Variants in LRRC8A observed in about 807,000 individuals in gnomAD.
LRRC8A encodes the protein volume-regulated anion channel subunit LRRC8A.
Under a neutral mutation model 52.5 loss-of-function variants are expected in LRRC8A, and 24 were observed. That is an observed-to-expected ratio of 0.46 (90% confidence interval 0.33 to 0.64). The LOEUF (loss-of-function observed/expected upper bound fraction) is 0.64, where lower values mean the gene tolerates loss of function less well. LRRC8A is among the 30% of genes least tolerant of loss of function. The pLI is 0.02. For missense variants in LRRC8A, 677 were observed against 1,094.7 expected (o/e 0.62, Z 5.38); for synonymous variants, 492 against 494.2 (o/e 1.00, Z 0.06).
chr9:128,891,863 G>A (rs966715428), intron 2 of LRRC8A, among the ~76,000 whole-genome samples: 1 of 152,150 alleles, frequency 6.6e-6, no homozygotes, highest in Non-Finnish European at 1.5e-5. Context: ...AGTCGGGCTT[G>A]GGGTGCATCT....
At chr9:128,910,012 C>T (rs1840438962) in intron 3 of LRRC8A, among the ~76,000 whole-genome samples, 1 of 152,212 alleles carries the variant, frequency 6.6e-6, no homozygotes, top group African/African-American at 2.4e-5. Context: ...ACTTTCAAGA[C>T]TGTTGGTGGT....
intron 3 of LRRC8A, among the ~76,000 whole-genome samples, chr9:128,913,463 GCGACAATC>G (rs1040677427): frequency 1.3e-5 from 2 of 152,192 alleles, no homozygotes; most frequent in Non-Finnish European, 2.9e-5. Context: ...GCACGGGCCG[GCGACAATC>G]CGACAATCCA....
At chr9:128,889,211 A>C (rs986835088) in intron 2 of LRRC8A, among the ~76,000 whole-genome samples, 16 of 151,924 alleles carry the variant, frequency 1.1e-4, no homozygotes, top group African/African-American at 3.9e-4. Context: ...GGGGCCTTCA[A>C]AGTCACCTGG....
In LRRC8A at chr9:128,902,535, C is replaced by T. The variant is rs1840067162; in HGVS notation, c.-8-4622C>T. ...GAGGGAGGTGTTGCAGTATCATTGT[C>T]ACCACATCCTGCCCGCTCAAACAGC... is the stretch of plus-strand genomic sequence containing the variant. On this transcript the variant is annotated intron_variant, in intron 2 of 3. Transcript: ENST00000372600. This position sits in a 1 kb window ranked among gnomAD's most constrained non-coding sequence, Gnocchi z 4.1. 6.6e-6 allele frequency among the ~76,000 whole-genome samples: 1 copy of T among 152,198 alleles called. No individual in the cohort carries two copies. The highest frequency in any genetic ancestry group is 2.4e-5 in the African/African-American group (1 of 41,442).
intron 2 of LRRC8A, among the ~76,000 whole-genome samples, chr9:128,898,202 C>G (rs1374585192): frequency 6.6e-6 from 1 of 152,046 alleles, no homozygotes; most frequent in Non-Finnish European, 1.5e-5. Context: ...ATTCCCTTAT[C>G]TGATCATTGA....
chr9:128,894,792 CAA>C (rs34427753), intron 2 of LRRC8A, among the ~76,000 whole-genome samples: 1,022 of 123,332 alleles, frequency 8.3e-3, no homozygotes, highest in African/African-American at 0.011. Context: ...GACTCTACCT[CAA>C]AAAAAAAAAA....
In LRRC8A at chr9:128,917,030, G is replaced by GT. The variant is rs769022311; in HGVS notation, c.*672dup. 0.055 allele frequency: 6,686 copies of GT among 121,948 alleles called. 156 individuals carry two copies. The highest frequency in any genetic ancestry group is 0.064 in the Non-Finnish European group (3,724 of 58,232). 7.6% of individuals were successfully genotyped at this position (121,948 alleles called of 1,614,324 possible). A position where few individuals can be genotyped will look rare whatever the true frequency, so the allele number is the denominator to read the frequency against. On this transcript the variant is annotated 3_prime_UTR_variant, in exon 4 of 4. Coordinates refer to ENST00000372600, the MANE Select transcript of LRRC8A (RefSeq NM_019594.4). The stretch of plus-strand genomic sequence containing the variant: ...GTATTTGTGGCAGTTTTAGTTTTTT[G>GT]TTTTTTTTTTTTTAATCAAAAAACA...
intron 3 of LRRC8A, among the ~76,000 whole-genome samples, chr9:128,910,959 C>T (rs1840494537): frequency 6.6e-6 from 1 of 152,194 alleles, no homozygotes; most frequent in Non-Finnish European, 1.5e-5. Context: ...TCGTGGGCAC[C>T]TGCTCTGTGT....
chr9:128,890,899 C>G (rs1257114494), intron 2 of LRRC8A, among the ~76,000 whole-genome samples: 3 of 152,114 alleles, frequency 2.0e-5, no homozygotes, highest in Non-Finnish European at 4.4e-5. Flanking sequence ...ACCAGTAATC[C>G]CAGCACTTTG....
intron 1 of LRRC8A, chr9:128,882,636 C>T: frequency 2.5e-6 from 1 of 398,986 alleles, no homozygotes; most frequent in Non-Finnish European, 4.4e-6. Context: ...CTCTCCTTGC[C>T]ATTTCTTTTT....
rs759230247 is a variant in LRRC8A, at chr9:128,907,865, A to G, written c.701A>G (p.Lys234Arg). 1 of 1,614,158 alleles carries G rather than the reference A, an allele frequency of 6.2e-7. No individual in the cohort carries two copies. The highest frequency in any genetic ancestry group is 1.1e-5 in the South Asian group (1 of 91,084). The change falls in exon 3 of 4, where the codon AAG (lysine) becomes AGG (arginine). Residue 234 changes from lysine (K) to arginine (R), a missense_variant. By Grantham distance (26) the Lys-to-Arg change is conservative. Transcript: ENST00000372600. This position sits in a 1 kb window ranked among gnomAD's most constrained non-coding sequence, Gnocchi z 9.3. ...CGCTCAGAGACGGGCGTGCTGGACAAGAAGGAGGGGGAGCAAGCCAAGGCG... is the reference window on the plus strand; with the variant it reads ...CGCTCAGAGACGGGCGTGCTGGACAGGAAGGAGGGGGAGCAAGCCAAGGCG... ...VDRSETGVLD[K>R]KEGEQAKALF...
At chr9:128,905,689 C>A (rs1840217728) in intron 2 of LRRC8A, among the ~76,000 whole-genome samples, 1 of 152,020 alleles carries the variant, frequency 6.6e-6, no homozygotes, top group African/African-American at 2.4e-5. Context: ...CTAAAAAACA[C>A]AAAAATTACC....
intron 2 of LRRC8A, among the ~76,000 whole-genome samples, chr9:128,887,708 C>G (rs1839449593): frequency 6.6e-6 from 1 of 151,918 alleles, no homozygotes; most frequent in Non-Finnish European, 1.5e-5. Context: ...GTGGCACAAT[C>G]TCAGCTCACT....
rs550014248 is a variant in LRRC8A at position 128,893,029 on chromosome 9, C to T, written c.-9+6908C>T. Among the ~76,000 whole-genome samples the T allele has an allele frequency of 3.9e-5, 6 of 152,286 alleles. No individual in the cohort carries two copies. In the East Asian group the frequency reaches 1.2e-3, roughly 29 times the overall value. ...GGTCTGGTGCGTGCTGGGGGGGTCT[C>T]TCTCTGGGACAGAGTGGGCAGCTTG... is the stretch of plus-strand genomic sequence containing the variant. On this transcript the variant is annotated intron_variant, in intron 2 of 3. Coordinates refer to ENST00000372600, the MANE Select transcript of LRRC8A (RefSeq NM_019594.4).
At chr9:128,885,571 C>T (rs1317878425) in intron 1 of LRRC8A, among the ~76,000 whole-genome samples, 1 of 152,194 alleles carries the variant, frequency 6.6e-6, no homozygotes. Context: ...TGACTTGGCA[C>T]CTCCTCAGTA....
At chr9:128,883,006 C>T (rs1239244970) in intron 1 of LRRC8A, 5 of 380,138 alleles carry the variant, frequency 1.3e-5, no homozygotes, top group Admixed American at 4.5e-5. Flanking sequence ...CTGACTGCTT[C>T]TTCCCCTTGA....
intron 3 of LRRC8A, among the ~76,000 whole-genome samples, chr9:128,910,510 T>C (rs536999930): frequency 2.0e-5 from 3 of 152,188 alleles, no homozygotes; most frequent in East Asian, 1.9e-4. Context: ...CTGGGCAACA[T>C]AGGGAAACCC....
intron 2 of LRRC8A, among the ~76,000 whole-genome samples, chr9:128,900,087 C>G (rs1412054971): frequency 6.6e-6 from 1 of 152,072 alleles, no homozygotes; most frequent in Admixed American, 6.6e-5. Flanking sequence ...TGCACTGGGC[C>G]CCTCCCTGTG....
Position 128,899,870 on chromosome 9 carries a change from A to G in LRRC8A, c.-8-7287A>G, listed in dbSNP as rs781038724. Among the ~76,000 whole-genome samples, 3 of 152,216 alleles carry G rather than the reference A, an allele frequency of 2.0e-5. No individual in the cohort carries two copies. Among genetic ancestry groups the G allele is most frequent in the East Asian group, 3.9e-4 (2 of 5,194 alleles). On this transcript the variant is annotated intron_variant, in intron 2 of 3. Coordinates refer to ENST00000372600, the MANE Select transcript of LRRC8A (RefSeq NM_019594.4). This position sits in a 1 kb window ranked among gnomAD's most constrained non-coding sequence, Gnocchi z 4.0. ...ATGCCACTGAACTACACCCCTGAAC[A>G]TGGGTAAGATGGTACATTTTCAGTT...
Sources: allele counts gnomAD v4.1 joint callset (sites outside exome capture counted in the v4.1 genomes callset), GRCh38; gene constraint gnomAD v4.1.1; non-coding constraint Gnocchi (gnomAD v3.1); transcripts MANE v1.5; gene names NCBI Gene and HGNC (gene_info 2026-07-23, HGNC 2026-07-21).